Variants in ABCC9 observed in about 807,000 individuals in gnomAD.
ABCC9 encodes the protein ATP binding cassette subfamily C member 9.
A neutral mutation model predicts 188.3 loss-of-function variants in ABCC9; 95 were observed. The ratio of observed to expected loss-of-function variants is 0.50; its 90% CI spans 0.43 to 0.60. The LOEUF is 0.60. Ranked by LOEUF, ABCC9 falls within the 20% of genes least tolerant of loss-of-function variation. The probability of loss-of-function intolerance (pLI) is 0.00; values close to 1 mark genes in which losing one functional copy is unlikely to be tolerated. For missense variants in ABCC9, 1,102 were observed against 1,876.3 expected, an observed-to-expected ratio of 0.59 and a Z score of 7.62; for synonymous variants, 659 against 652.7, an observed-to-expected ratio of 1.01 and a Z score of -0.15.
intron 20 of ABCC9, among the ~76,000 whole-genome samples, chr12:21,861,630 A>G (rs1306919768): frequency 6.6e-6 from 1 of 152,196 alleles, no homozygotes; most frequent in African/African-American, 2.4e-5. Context: ...GGAAGTGAGT[A>G]TAAAGCACTC....
At chr12:21,825,100 C>G (rs955727560) in intron 31 of ABCC9, among the ~76,000 whole-genome samples, 4 of 152,186 alleles carry the variant, frequency 2.6e-5, no homozygotes, top group African/African-American at 9.7e-5. Flanking sequence ...GAGATACCAT[C>G]TTATGCCAGT....
chr12:21,896,075 T>A (rs1274070399), intron 12 of ABCC9, among the ~76,000 whole-genome samples: 1 of 65,388 alleles, frequency 1.5e-5, no homozygotes, highest in Non-Finnish European at 3.8e-5. Context: ...TAGAATCTAA[T>A]TTTCTTTTTT....
At chr12:21,834,501 G>C (rs1943958626) in intron 30 of ABCC9, among the ~76,000 whole-genome samples, 1 of 152,002 alleles carries the variant, frequency 6.6e-6, no homozygotes, top group Admixed American at 6.6e-5. Flanking sequence ...TACAGGTAAA[G>C]GTTTACTTAC....
At chr12:21,935,997 C>A (rs1949472104) in intron 3 of ABCC9, among the ~76,000 whole-genome samples, 2 of 152,140 alleles carry the variant, frequency 1.3e-5, no homozygotes, top group South Asian at 4.1e-4. Context: ...ACAACCTCAT[C>A]ACTCCCACTG....
intron 30 of ABCC9, among the ~76,000 whole-genome samples, chr12:21,837,032 C>A (rs1028365317): frequency 1.3e-5 from 2 of 152,006 alleles, no homozygotes; most frequent in South Asian, 4.2e-4. Flanking sequence ...GGCATATGTT[C>A]GGTACTCAAA....
At chr12:21,872,876 C>T in intron 17 of ABCC9, 146 bp from the exon 18 acceptor site, 1 of 625,576 alleles carries the variant, frequency 1.6e-6, no homozygotes, top group African/African-American at 1.8e-5. Context: ...CAGCTCCTTT[C>T]TCTGATAAGT....
intron 30 of ABCC9, among the ~76,000 whole-genome samples, chr12:21,837,294 CTGTGGAACATGATGT>C: frequency 6.6e-6 from 1 of 152,246 alleles, no homozygotes. Flanking sequence ...TGTAGACGTG[CTGTGGAACATGATGT>C]TGTGGATAGT....
chr12:21,834,137 C>T (rs1309538584), intron 30 of ABCC9, among the ~76,000 whole-genome samples: 1 of 152,208 alleles, frequency 6.6e-6, no homozygotes, highest in Non-Finnish European at 1.5e-5. Context: ...CCAATGGACA[C>T]TTTTAATTCC....
At chr12:21,811,704 A>C (rs545886611) in intron 36 of ABCC9, among the ~76,000 whole-genome samples, 34 of 152,272 alleles carry the variant, frequency 2.2e-4, no homozygotes, top group African/African-American at 8.2e-4. Context: ...GATTAACCAA[A>C]GTCAGAATAT....
At chr12:21,814,782 T>A in intron 34 of ABCC9, 60 bp from the exon 35 acceptor site, 1 of 1,412,918 alleles carries the variant, frequency 7.1e-7, no homozygotes, top group Non-Finnish European at 1.0e-6. Flanking sequence ...AAGATTAGCT[T>A]AAGTTTTGTT....
intron 35 of ABCC9, among the ~76,000 whole-genome samples, chr12:21,812,576 A>G (rs533226752): frequency 1.4e-3 from 219 of 152,300 alleles, no homozygotes; most frequent in Non-Finnish European, 2.6e-3. Flanking sequence ...GGAAACCATC[A>G]TTCTCAGCAA....
chr12:21,824,955 A>G (rs532561009), intron 31 of ABCC9, among the ~76,000 whole-genome samples: 1 of 145,346 alleles, frequency 6.9e-6, no homozygotes, highest in Non-Finnish European at 1.5e-5. Flanking sequence ...TTGTTGATCT[A>G]TTTTGTTGAT....
At chr12:21,893,194 T>TATC (rs3062612) in intron 14 of ABCC9, among the ~76,000 whole-genome samples, 151,702 of 152,216 alleles carry the variant, frequency 1, 75,596 homozygotes, top group Middle Eastern at 1. Context: ...AAAATGGTCT[T>TATC]ATATCACATC....
At chr12:21,870,170 T>C (rs971910988) in intron 18 of ABCC9, among the ~76,000 whole-genome samples, 3 of 152,208 alleles carry the variant, frequency 2.0e-5, no homozygotes, top group African/African-American at 7.2e-5. Flanking sequence ...GAATTTACTT[T>C]TGAATAAATT....
At chr12:21,818,542 G>A (rs1298089974) in intron 31 of ABCC9, among the ~76,000 whole-genome samples, 1 of 147,484 alleles carries the variant, frequency 6.8e-6, no homozygotes, top group African/African-American at 2.5e-5. Context: ...GTGTGTGTGT[G>A]TGTGTGTGTG....
intron 20 of ABCC9, among the ~76,000 whole-genome samples, chr12:21,861,960 C>A (rs1260364570): frequency 6.6e-6 from 1 of 151,994 alleles, no homozygotes; most frequent in African/African-American, 2.4e-5. Flanking sequence ...ACTGGAAGTA[C>A]AAGGAAGCAT....
intron 30 of ABCC9, among the ~76,000 whole-genome samples, chr12:21,835,044 C>T (rs1176987513): frequency 6.6e-6 from 1 of 152,042 alleles, no homozygotes; most frequent in Non-Finnish European, 1.5e-5. Flanking sequence ...GCAGGAGGAG[C>T]TCAATAGGAT....
At chr12:21,814,805 ATAT>A (rs758723472) in intron 34 of ABCC9, 83 bp from the exon 35 acceptor site, 58 of 1,057,510 alleles carry the variant, frequency 5.5e-5, no homozygotes, top group Non-Finnish European at 8.2e-5. Context: ...TTAACTTAAG[ATAT>A]TATGATAAAA....
At chr12:21,877,551 C>T (rs1263717427) in intron 16 of ABCC9, among the ~76,000 whole-genome samples, 1 of 152,074 alleles carries the variant, frequency 6.6e-6, no homozygotes, top group Non-Finnish European at 1.5e-5. Context: ...CTGAAGATTC[C>T]ATTTTCTCTC....
Sources: allele counts gnomAD v4.1 joint callset (sites outside exome capture counted in the v4.1 genomes callset), GRCh38; gene constraint gnomAD v4.1.1; transcripts MANE v1.5; gene names NCBI Gene and HGNC (gene_info 2026-07-23, HGNC 2026-07-21).